The following GAS7 variants were observed in gnomAD, a reference collection of about 807,000 sequenced individuals.
The protein encoded by GAS7 is growth arrest specific 7.
Under a neutral mutation model 71.1 loss-of-function variants are expected in GAS7, and 28 were observed. That is an observed-to-expected ratio of 0.39 (90% confidence interval 0.29 to 0.54). The LOEUF is 0.54. Ranked by LOEUF, GAS7 falls within the 20% of genes least tolerant of loss-of-function variation. The probability of loss-of-function intolerance (pLI) is 0.62; values close to 1 mark genes in which losing one functional copy is unlikely to be tolerated. For missense variants in GAS7, 436 were observed against 627.8 expected (o/e 0.69, Z 3.27); for synonymous variants, 258 against 245.8 (o/e 1.05, Z -0.46).
intron 1 of GAS7, among the ~76,000 whole-genome samples, chr17:10,176,914 A>C (rs2074377715): frequency 6.6e-6 from 1 of 152,210 alleles, no homozygotes; most frequent in South Asian, 2.1e-4. Flanking sequence ...TTCTTAAGGC[A>C]AGCTCTCCCT....
In GAS7 at chr17:9,948,644, T is replaced by C. The variant is rs1318695766; in HGVS notation, c.526-1661A>G. 2.6e-5 allele frequency among the ~76,000 whole-genome samples: 4 copies of C among 151,804 alleles called. 1 individual carries two copies. The South Asian group carries it at 8.3e-4, about 32-fold the overall frequency. On this transcript the variant is annotated intron_variant, in intron 5 of 13. Transcript: ENST00000432992. Reference sequence around the variant, plus strand: ...GTTGCAGTGAGCCGAGATTGTGCCATTGCACTCCAGCCTGGGTGACAGAGT... The same window carrying C: ...GTTGCAGTGAGCCGAGATTGTGCCACTGCACTCCAGCCTGGGTGACAGAGT...
intron 1 of GAS7, among the ~76,000 whole-genome samples, chr17:10,195,322 G>C (rs1182479198): frequency 6.6e-6 from 1 of 152,172 alleles, no homozygotes; most frequent in Non-Finnish European, 1.5e-5. Flanking sequence ...TTCCTGCAAA[G>C]GCTGGGTCTC....
chr17:10,162,066 CAAAAAAA>C (rs58368044), intron 1 of GAS7, among the ~76,000 whole-genome samples: 19 of 103,600 alleles, frequency 1.8e-4, no homozygotes, highest in African/African-American at 1.5e-4. Flanking sequence ...GACTCCATCT[CAAAAAAA>C]AAAAAAAAAA....
chr17:9,936,009 G>A (rs2068387462), intron 8 of GAS7, among the ~76,000 whole-genome samples: 1 of 152,204 alleles, frequency 6.6e-6, no homozygotes. Flanking sequence ...AGGGCCGATT[G>A]ACTGCAGCAA....
At chr17:10,130,932 T>C (rs2073992268) in intron 1 of GAS7, among the ~76,000 whole-genome samples, 1 of 152,236 alleles carries the variant, frequency 6.6e-6, no homozygotes, top group African/African-American at 2.4e-5. Flanking sequence ...TTGATGATGG[T>C]AATGATTGCA....
At chr17:9,975,378 T>C (rs1235877251) in intron 3 of GAS7, among the ~76,000 whole-genome samples, 2 of 151,968 alleles carry the variant, frequency 1.3e-5, no homozygotes, top group African/African-American at 2.4e-5. Context: ...AAAAACAAAG[T>C]TGAGGAACCC....
Position 9,914,924 on chromosome 17 carries a change from G to A in GAS7, c.*2304C>T, listed in dbSNP as rs529284059. 3 of 232,208 alleles carry A rather than the reference G, an allele frequency of 1.3e-5. No individual in the cohort carries two copies. Among genetic ancestry groups the A allele is most frequent in the Non-Finnish European group, 1.7e-5 (2 of 117,464 alleles). 14.4% of individuals were successfully genotyped at this position (232,208 alleles called of 1,614,324 possible). On this transcript the variant is annotated 3_prime_UTR_variant, in exon 14 of 14. Coordinates refer to ENST00000432992, the MANE Select transcript of GAS7 (RefSeq NM_201433.2). ...GTGCCTATGTATCAATGCCAAGGTT[G>A]CTGACCGGTAAGACCCCTGAAAACG... is the stretch of plus-strand genomic sequence containing the variant.
At chr17:10,125,253 C>T (rs2073935594) in intron 1 of GAS7, among the ~76,000 whole-genome samples, 1 of 152,080 alleles carries the variant, frequency 6.6e-6, no homozygotes, top group South Asian at 2.1e-4. Flanking sequence ...CGCAGTGGCT[C>T]ATGCCTATGA....
intron 1 of GAS7, among the ~76,000 whole-genome samples, chr17:10,072,876 C>T (rs1045068632): frequency 1.1e-4 from 16 of 151,590 alleles, no homozygotes; most frequent in African/African-American, 3.6e-4. Flanking sequence ...TGCCATTTCT[C>T]TAAAAATGGG....
At chr17:10,041,428 C>T (rs2072868654) in intron 1 of GAS7, among the ~76,000 whole-genome samples, 1 of 152,164 alleles carries the variant, frequency 6.6e-6, no homozygotes, top group South Asian at 2.1e-4. Flanking sequence ...CCAGGCAACA[C>T]ACAGAAATCA....
intron 2 of GAS7, among the ~76,000 whole-genome samples, chr17:9,986,153 G>A (rs966206236): frequency 1.3e-5 from 2 of 152,182 alleles, no homozygotes; most frequent in East Asian, 1.9e-4. Context: ...ACAGAAAGAC[G>A]GACATTGTGA....
At chr17:10,173,271 A>G (rs1226169958) in intron 1 of GAS7, among the ~76,000 whole-genome samples, 1 of 152,190 alleles carries the variant, frequency 6.6e-6, no homozygotes, top group Non-Finnish European at 1.5e-5. Context: ...TGGTGGCTGT[A>G]TAACACTGTG....
At chr17:10,136,346 G>A (rs1049789551) in intron 1 of GAS7, among the ~76,000 whole-genome samples, 1 of 152,178 alleles carries the variant, frequency 6.6e-6, no homozygotes, top group Non-Finnish European at 1.5e-5. Context: ...AGTTATTTTT[G>A]ACACTTAGTC....
At chr17:10,041,906 T>C (rs2072876745) in intron 1 of GAS7, among the ~76,000 whole-genome samples, 2 of 152,182 alleles carry the variant, frequency 1.3e-5, no homozygotes, top group Non-Finnish European at 2.9e-5. Flanking sequence ...CTCTTATTAT[T>C]TTTTTCGTTT....
chr17:9,954,924 G>A (rs1567818109), intron 5 of GAS7, among the ~76,000 whole-genome samples: 1 of 152,188 alleles, frequency 6.6e-6, no homozygotes, highest in South Asian at 2.1e-4. Flanking sequence ...GGCATGGTGA[G>A]AGGTGTGTGC....
At chr17:10,005,199 ATGTG>A (rs537614029) in intron 2 of GAS7, among the ~76,000 whole-genome samples, 1 of 116,692 alleles carries the variant, frequency 8.6e-6, no homozygotes, top group Non-Finnish European at 1.7e-5. Flanking sequence ...GCACGCATGC[ATGTG>A]TGTGCATGTG....
intron 1 of GAS7, among the ~76,000 whole-genome samples, chr17:10,050,598 C>A (rs746880862): frequency 5.9e-5 from 9 of 152,266 alleles, no homozygotes; most frequent in Non-Finnish European, 1.0e-4. Context: ...CCCAAGATGA[C>A]CTCCACACTG....
intron 9 of GAS7, among the ~76,000 whole-genome samples, chr17:9,927,877 T>TA (rs1567782709): frequency 6.6e-6 from 1 of 152,094 alleles, no homozygotes; most frequent in Non-Finnish European, 1.5e-5. Flanking sequence ...ATTGCGCTCA[T>TA]AAAGACATTC....
chr17:10,159,095 TATTA>T (rs1362087603), intron 1 of GAS7, among the ~76,000 whole-genome samples: 3 of 118,098 alleles, frequency 2.5e-5, no homozygotes, highest in Non-Finnish European at 5.2e-5. Context: ...TATATATATA[TATTA>T]AAGATAACAC....
Sources: allele counts gnomAD v4.1 joint callset (sites outside exome capture counted in the v4.1 genomes callset), GRCh38; gene constraint gnomAD v4.1.1; transcripts MANE v1.5; gene names NCBI Gene and HGNC (gene_info 2026-07-23, HGNC 2026-07-21).